Variants in CRYBG1 observed in about 807,000 individuals in gnomAD.
The protein encoded by CRYBG1 is beta/gamma crystallin domain-containing protein 1.
CRYBG1 carries 139 observed loss-of-function variants against 189.2 expected under a neutral mutation model. The ratio of observed to expected loss-of-function variants is 0.73; its 90% CI spans 0.64 to 0.85. CRYBG1 has a LOEUF of 0.85. Ranked by LOEUF, CRYBG1 falls within the 40% of genes least tolerant of loss-of-function variation. The pLI, the probability that CRYBG1 is intolerant of heterozygous loss-of-function variation, is 0.00. For missense variants in CRYBG1, 2,611 were observed against 2,675.8 expected, an observed-to-expected ratio of 0.98 and a Z score of 0.53; for synonymous variants, 1,023 against 1,017.1, an observed-to-expected ratio of 1.01 and a Z score of -0.11.
intron 2 of CRYBG1, among the ~76,000 whole-genome samples, chr6:106,492,981 T>G (rs1772759027): frequency 6.6e-6 from 1 of 152,074 alleles, no homozygotes. Context: ...ATTTTTTTTT[T>G]TTTTACTTTT....
chr6:106,417,074 C>G (rs1211983727), intron 1 of CRYBG1, among the ~76,000 whole-genome samples: 3 of 127,650 alleles, frequency 2.4e-5, no homozygotes, highest in African/African-American at 6.1e-5. Context: ...GGCACAATTA[C>G]AGCTCACTGC....
At chr6:106,479,031 T>A (rs1411794275) in intron 2 of CRYBG1, among the ~76,000 whole-genome samples, 1 of 152,230 alleles carries the variant, frequency 6.6e-6, no homozygotes, top group Non-Finnish European at 1.5e-5. Flanking sequence ...GTATAACATT[T>A]TCAAGGTTCT....
intron 1 of CRYBG1, among the ~76,000 whole-genome samples, chr6:106,411,339 T>C (rs1201175619): frequency 6.6e-6 from 1 of 152,204 alleles, no homozygotes; most frequent in African/African-American, 2.4e-5. Flanking sequence ...TTGATTTACA[T>C]GGGAGTCCTA....
intron 1 of CRYBG1, among the ~76,000 whole-genome samples, chr6:106,437,810 G>A (rs767777051): frequency 7.9e-5 from 12 of 151,954 alleles, no homozygotes; most frequent in Non-Finnish European, 1.2e-4. Flanking sequence ...GCCATAATAC[G>A]CTCCTAATCT....
intron 2 of CRYBG1, among the ~76,000 whole-genome samples, chr6:106,453,256 T>C (rs1771819454): frequency 6.6e-6 from 1 of 152,208 alleles, no homozygotes; most frequent in South Asian, 2.1e-4. Context: ...GAAGAGATTA[T>C]TAGCTTATAT....
In CRYBG1 at chr6:106,519,142, C is replaced by T; in HGVS notation, c.1934C>T (p.Pro645Leu). ...CTTTTTCCTCACAGCCCTGCCAAGC[C>T]CAAACATGTGGAACTAAATCTTAAA... ...VTTKVTLPAKPKHVELNLKTP... is the reference protein window; with the variant it reads ...VTTKVTLPAKLKHVELNLKTP... The change falls in exon 4 of 22, where the codon CCC (proline) becomes CTC (leucine). Residue 645 changes from proline (P) to leucine (L), a missense_variant. Around this residue, in one of 3 missense-constraint regions of CRYBG1, gnomAD observed 985 missense variants for 924.4 expected, o/e 1.07. Transcript: ENST00000633556. 6.2e-7 allele frequency: 1 copy of T among 1,612,384 alleles called. No individual in the cohort carries two copies. Among genetic ancestry groups the T allele is most frequent in the South Asian group, 1.1e-5 (1 of 90,902 alleles).
chr6:106,558,838 C>A (rs1774626467), intron 18 of CRYBG1, among the ~76,000 whole-genome samples: 1 of 152,110 alleles, frequency 6.6e-6, no homozygotes, highest in South Asian at 2.1e-4. Flanking sequence ...TGGCACATGC[C>A]TGTGGCCCCA....
chr6:106,385,208 C>G (rs889119316), intron 1 of CRYBG1, among the ~76,000 whole-genome samples: 2 of 152,184 alleles, frequency 1.3e-5, no homozygotes, highest in Non-Finnish European at 2.9e-5. Context: ...AAAACCATCT[C>G]ACTTCTGTGT....
chr6:106,388,958 C>T (rs963280428), intron 1 of CRYBG1, among the ~76,000 whole-genome samples: 1 of 152,140 alleles, frequency 6.6e-6, no homozygotes, highest in Non-Finnish European at 1.5e-5. Context: ...AGAGACTGTG[C>T]CTAAGCAGAG....
rs934133345 is a variant in CRYBG1, at chr6:106,512,170, A to C, written c.1053A>C (p.Ala351=). 25 of 1,534,468 alleles carry C rather than the reference A, an allele frequency of 1.6e-5. No individual in the cohort carries two copies. The highest frequency in any genetic ancestry group is 2.1e-5 in the Non-Finnish European group (24 of 1,145,984). Reference sequence around the variant, plus strand: ...CAGGTGAGCCTCCGGCCGAGGGCGCAGCGCACACGGCCAGCTCCGCGCAGG... The same window carrying C: ...CAGGTGAGCCTCCGGCCGAGGGCGCCGCGCACACGGCCAGCTCCGCGCAGG... ...DLPGEPPAEG[A]AHTASSAQAD... is the part of the protein sequence containing the mutation. Residue 351 remains alanine, a synonymous_variant, in exon 3 of 22, where the codon GCA becomes GCC. Coordinates refer to ENST00000633556, the MANE Select transcript of CRYBG1 (RefSeq NM_001371242.2).
intron 2 of CRYBG1, among the ~76,000 whole-genome samples, chr6:106,510,782 G>A (rs977835829): frequency 6.6e-5 from 10 of 152,260 alleles, no homozygotes; most frequent in African/African-American, 2.2e-4. Flanking sequence ...CTCTGCAGCC[G>A]CGGGATCACT....
At chr6:106,407,555 C>G (rs1396120965) in intron 1 of CRYBG1, among the ~76,000 whole-genome samples, 1 of 152,160 alleles carries the variant, frequency 6.6e-6, no homozygotes, top group Non-Finnish European at 1.5e-5. Flanking sequence ...ACTCTCCACC[C>G]CAAATCAACA....
At chr6:106,523,761 G>T (rs988975154) in intron 4 of CRYBG1, among the ~76,000 whole-genome samples, 8 of 145,638 alleles carry the variant, frequency 5.5e-5, no homozygotes, top group African/African-American at 1.5e-4. Context: ...TCAGAATCTC[G>T]CTCTGTCACC....
In CRYBG1 at chr6:106,570,741, C is replaced by T. The variant is rs780691218; in HGVS notation, c.*2175C>T. The stretch of plus-strand genomic sequence containing the variant: ...GGAAGTCAAGAGCAGCTGGTATTTA[C>T]ACCTGGAAAATCAGATTTTTTTTTC... On this transcript the variant is annotated 3_prime_UTR_variant, in exon 22 of 22. Coordinates refer to ENST00000633556, the MANE Select transcript of CRYBG1 (RefSeq NM_001371242.2). The T allele has an allele frequency of 7.9e-5, 12 of 152,170 alleles. No homozygotes were observed. Among genetic ancestry groups the T allele is most frequent in the South Asian group, 2.1e-4 (1 of 4,836 alleles). 9.4% of individuals were successfully genotyped at this position (152,170 alleles called of 1,614,324 possible).
At chr6:106,407,749 T>C (rs1024983782) in intron 1 of CRYBG1, among the ~76,000 whole-genome samples, 1 of 152,300 alleles carries the variant, frequency 6.6e-6, no homozygotes. Context: ...ACATGGAACC[T>C]GAACAACCTG....
At chr6:106,474,123 A>G (rs546108981) in intron 2 of CRYBG1, among the ~76,000 whole-genome samples, 1 of 152,350 alleles carries the variant, frequency 6.6e-6, no homozygotes, top group Admixed American at 6.5e-5. Context: ...ACAAAACTGT[A>G]TGTTCAGATA....
chr6:106,505,168 T>G (rs1195086040), intron 2 of CRYBG1, among the ~76,000 whole-genome samples: 1 of 151,806 alleles, frequency 6.6e-6, no homozygotes, highest in African/African-American at 2.4e-5. Context: ...CATCTCAGCT[T>G]ACTGCAACCT....
intron 13 of CRYBG1, among the ~76,000 whole-genome samples, chr6:106,545,243 A>T (rs1000154007): frequency 6.6e-6 from 1 of 152,208 alleles, no homozygotes; most frequent in African/African-American, 2.4e-5. Flanking sequence ...ATCAAATAAT[A>T]ATAATAGTAA....
intron 13 of CRYBG1, among the ~76,000 whole-genome samples, chr6:106,548,128 C>T (rs761622254): frequency 6.6e-6 from 1 of 152,178 alleles, no homozygotes; most frequent in African/African-American, 2.4e-5. Flanking sequence ...TCCCCCGTCT[C>T]CCCACCAGTC....
Sources: gnomAD v4.1 joint callset for allele counts (sites outside exome capture counted in the v4.1 genomes callset) on GRCh38, gnomAD v4.1.1 for gene constraint, gnomAD v4.1.1 regional missense constraint, MANE v1.5 for transcripts, NCBI Gene and HGNC (gene_info 2026-07-23, HGNC 2026-07-21) for gene names.